Variants in PRR16 observed in about 807,000 individuals in gnomAD.
The protein encoded by PRR16 is proline rich 16, also known as protein Largen.
Under a neutral mutation model 18.2 loss-of-function variants are expected in PRR16, and 6 were observed. The ratio of observed to expected loss-of-function variants is 0.33; its 90% CI spans 0.18 to 0.65. The LOEUF (loss-of-function observed/expected upper bound fraction) is 0.65. Among genes scored for constraint, PRR16 ranks in the 30% least tolerant of loss-of-function variants. The pLI is 0.74. For synonymous variants in PRR16, 151 were observed against 147.8 expected (o/e 1.02, Z -0.16); for missense variants, 412 against 376.6 (o/e 1.09, Z -0.78).
intron 1 of PRR16, among the ~76,000 whole-genome samples, chr5:120,474,750 A>G (rs1035561275): frequency 6.6e-6 from 1 of 152,030 alleles, no homozygotes; most frequent in African/African-American, 2.4e-5. Context: ...TAAAAGTTAA[A>G]TTGGTATTTT....
At chr5:120,731,522 C>CTCATA in the PRR16 span, among the ~76,000 whole-genome samples, 6 of 151,936 alleles carry the variant, frequency 3.9e-5, no homozygotes. Context: ...CACCATGGAA[C>CTCATA]TCATAAAAAA....
chr5:120,793,585 T>G, the PRR16 span, among the ~76,000 whole-genome samples: 3 of 151,986 alleles, frequency 2.0e-5, no homozygotes, highest in Admixed American at 6.6e-5. Flanking sequence ...TAGATGGAAA[T>G]CAGATCTCAC....
the PRR16 span, among the ~76,000 whole-genome samples, chr5:120,770,950 T>TCTCTCTCTCACACA: frequency 6.7e-6 from 1 of 148,968 alleles, no homozygotes; most frequent in Admixed American, 6.7e-5. Flanking sequence ...TCTCTCTCTC[T>TCTCTCTCTCACACA]CACACACACA....
At chr5:120,788,553 A>G in the PRR16 span, among the ~76,000 whole-genome samples, 6 of 152,010 alleles carry the variant, frequency 3.9e-5, no homozygotes, top group Non-Finnish European at 8.8e-5. Flanking sequence ...GGTTTCCTTT[A>G]CATACATAGA....
chr5:120,642,966 C>T (rs1180276775), intron 1 of PRR16, among the ~76,000 whole-genome samples: 1 of 152,126 alleles, frequency 6.6e-6, no homozygotes, highest in African/African-American at 2.4e-5. Context: ...CACAGTCTTT[C>T]TGCCCATAGT....
intron 1 of PRR16, among the ~76,000 whole-genome samples, chr5:120,642,947 A>G (rs188231365): frequency 9.2e-5 from 14 of 152,200 alleles, no homozygotes; most frequent in Admixed American, 7.9e-4. Context: ...TTGATTTCTG[A>G]TTACCTAACA....
the PRR16 span, among the ~76,000 whole-genome samples, chr5:120,791,491 C>T: frequency 6.6e-6 from 1 of 151,542 alleles, no homozygotes; most frequent in Non-Finnish European, 1.5e-5. Context: ...TTCTGGAATT[C>T]TGTTTAGAAC....
intron 1 of PRR16, among the ~76,000 whole-genome samples, chr5:120,580,038 ATTG>A (rs1346839306): frequency 6.6e-6 from 1 of 152,110 alleles, no homozygotes; most frequent in Middle Eastern, 3.4e-3. Flanking sequence ...GTACTTGCCT[ATTG>A]TTGTTGTAAA....
At chr5:120,715,289 G>A in the PRR16 span, among the ~76,000 whole-genome samples, 1 of 151,978 alleles carries the variant, frequency 6.6e-6, no homozygotes, top group Non-Finnish European at 1.5e-5. Context: ...ATTAATTACT[G>A]GACTTTATTA....
At chr5:120,595,661 C>T (rs914023051) in intron 1 of PRR16, among the ~76,000 whole-genome samples, 4 of 151,940 alleles carry the variant, frequency 2.6e-5, no homozygotes, top group Admixed American at 6.6e-5. Flanking sequence ...AACCTGCACA[C>T]GCACACCTGT....
chr5:120,565,032 C>T (rs1752693718), intron 1 of PRR16, among the ~76,000 whole-genome samples: 1 of 151,516 alleles, frequency 6.6e-6, no homozygotes, highest in Non-Finnish European at 1.5e-5. Flanking sequence ...GATTCCTCAC[C>T]TCATTTTTGG....
At chr5:120,707,502 G>A in the PRR16 span, among the ~76,000 whole-genome samples, 2 of 152,090 alleles carry the variant, frequency 1.3e-5, no homozygotes, top group African/African-American at 4.8e-5. Flanking sequence ...ATGTTCTATG[G>A]CTTTCAACAA....
At chr5:120,547,307 A>G (rs1176727151) in intron 1 of PRR16, among the ~76,000 whole-genome samples, 1 of 152,104 alleles carries the variant, frequency 6.6e-6, no homozygotes, top group East Asian at 1.9e-4. Flanking sequence ...GGCTGGCAAA[A>G]TACTCCTAGA....
the PRR16 span, among the ~76,000 whole-genome samples, chr5:120,696,972 A>G: frequency 4.3e-5 from 1 of 23,314 alleles, no homozygotes; most frequent in East Asian, 2.4e-3. Flanking sequence ...TTTGACCTGA[A>G]CCAAGAAAAT....
chr5:120,488,750 T>A (rs1298328201), intron 1 of PRR16, among the ~76,000 whole-genome samples: 2 of 152,066 alleles, frequency 1.3e-5, no homozygotes, highest in Non-Finnish European at 2.9e-5. Context: ...TAGGGTGTCA[T>A]TTTTAGATCT....
At chr5:120,616,395 C>T (rs1390229248) in intron 1 of PRR16, among the ~76,000 whole-genome samples, 3 of 152,146 alleles carry the variant, frequency 2.0e-5, no homozygotes, top group Admixed American at 2.0e-4. Flanking sequence ...CTTATAGTAT[C>T]AACATCAAGA....
the PRR16 span, among the ~76,000 whole-genome samples, chr5:120,730,407 C>T: frequency 3.3e-5 from 5 of 152,062 alleles, no homozygotes; most frequent in Non-Finnish European, 7.4e-5. Context: ...AGGTGTCCAA[C>T]TAAAAGTTAG....
At chr5:120,782,221 G>A in the PRR16 span, among the ~76,000 whole-genome samples, 4 of 152,120 alleles carry the variant, frequency 2.6e-5, no homozygotes, top group South Asian at 8.3e-4. Context: ...CAGACTTGCA[G>A]GATTAGCTTC....
intron 1 of PRR16, among the ~76,000 whole-genome samples, chr5:120,664,021 G>A (rs984618560): frequency 1.3e-5 from 2 of 152,096 alleles, no homozygotes; most frequent in African/African-American, 4.8e-5. Flanking sequence ...AAATCTGGCC[G>A]GGCGCGGTGG....
Sources: allele counts gnomAD v4.1 joint callset (sites outside exome capture counted in the v4.1 genomes callset), GRCh38; gene constraint gnomAD v4.1.1; transcripts MANE v1.5; gene names NCBI Gene and HGNC (gene_info 2026-07-23, HGNC 2026-07-21).